ENOX1: variants seen among roughly 807,000 people sequenced by gnomAD.
ENOX1 encodes candidate growth-related and time keeping constitutive hydroquinone (NADH) oxidase.
In ENOX1, 42 loss-of-function variants were observed where a neutral mutation model predicts 82.5. The ratio of observed to expected loss-of-function variants is 0.51; its 90% CI spans 0.40 to 0.66. The LOEUF (loss-of-function observed/expected upper bound fraction) is 0.66, where lower values mean the gene tolerates loss of function less well. ENOX1 is among the 30% of genes least tolerant of loss of function. The pLI, the probability that ENOX1 is intolerant of heterozygous loss-of-function variation, is 0.00. For missense variants in ENOX1, 608 were observed against 811.6 expected (o/e 0.75, Z 3.05); for synonymous variants, 271 against 282.2 (o/e 0.96, Z 0.40).
chr13:43,416,263 C>T (rs1482494315), intron 3 of ENOX1, among the ~76,000 whole-genome samples: 4 of 89,828 alleles, frequency 4.5e-5, no homozygotes, highest in South Asian at 3.9e-4. Flanking sequence ...GAGGTGCTCC[C>T]CATCTCCCAG....
chr13:43,571,901 G>A (rs2080201039), intron 2 of ENOX1, among the ~76,000 whole-genome samples: 1 of 151,968 alleles, frequency 6.6e-6, no homozygotes, highest in African/African-American at 2.4e-5. Flanking sequence ...GGGCGGTGGG[G>A]GTGGTGCATG....
intron 2 of ENOX1, among the ~76,000 whole-genome samples, chr13:43,634,553 G>A (rs185605354): frequency 1.3e-5 from 2 of 152,208 alleles, no homozygotes; most frequent in South Asian, 4.1e-4. Context: ...TCAAAAAGCA[G>A]TACCCACAGG....
intron 14 of ENOX1, among the ~76,000 whole-genome samples, chr13:43,255,871 C>T (rs904564897): frequency 2.0e-5 from 3 of 152,066 alleles, no homozygotes; most frequent in Non-Finnish European, 4.4e-5. Context: ...TCAATGCAAT[C>T]GCTATCAAGA....
intron 1 of ENOX1, among the ~76,000 whole-genome samples, chr13:43,682,680 T>C (rs1045494307): frequency 6.6e-6 from 1 of 152,032 alleles, no homozygotes; most frequent in Non-Finnish European, 1.5e-5. Context: ...TGAAAGTTTC[T>C]AAGGAAGGGG....
chr13:43,405,752 C>T (rs548295232), intron 5 of ENOX1, among the ~76,000 whole-genome samples: 3 of 152,194 alleles, frequency 2.0e-5, no homozygotes, highest in Admixed American at 6.5e-5. Flanking sequence ...ATCACTGTCT[C>T]TTATCTGGGT....
At chr13:43,565,542 G>A (rs896853882) in intron 2 of ENOX1, among the ~76,000 whole-genome samples, 1 of 152,108 alleles carries the variant, frequency 6.6e-6, no homozygotes, top group Non-Finnish European at 1.5e-5. Flanking sequence ...AAGGACTAGG[G>A]GAGGGAAGGA....
At chr13:43,581,714 C>G (rs1189641875) in intron 2 of ENOX1, among the ~76,000 whole-genome samples, 1 of 152,158 alleles carries the variant, frequency 6.6e-6, no homozygotes, top group Admixed American at 6.5e-5. Flanking sequence ...TTGGCCTTTA[C>G]TGTGCAGAGG....
intron 2 of ENOX1, among the ~76,000 whole-genome samples, chr13:43,521,658 C>T (rs2077774440): frequency 6.6e-6 from 1 of 152,168 alleles, no homozygotes; most frequent in Middle Eastern, 3.4e-3. Context: ...AAGGTCCTTG[C>T]TTGGAGTGAA....
intron 1 of ENOX1, among the ~76,000 whole-genome samples, chr13:43,769,984 A>G (rs1442379311): frequency 1.3e-5 from 2 of 152,220 alleles, no homozygotes; most frequent in African/African-American, 4.8e-5. Flanking sequence ...TGATCCAGCA[A>G]TTTCTCTAAT....
intron 2 of ENOX1, among the ~76,000 whole-genome samples, chr13:43,648,991 G>A (rs1254329355): frequency 6.6e-6 from 1 of 152,182 alleles, no homozygotes; most frequent in African/African-American, 2.4e-5. Flanking sequence ...CAGTGCTAGA[G>A]CCTACGCAGA....
At chr13:43,396,828 C>T (rs1452426927) in intron 5 of ENOX1, among the ~76,000 whole-genome samples, 1 of 152,192 alleles carries the variant, frequency 6.6e-6, no homozygotes, top group East Asian at 1.9e-4. Context: ...TTAAGATTTT[C>T]CCTCTAAGTC....
At chr13:43,468,707 G>GT (rs1335249576) in intron 3 of ENOX1, among the ~76,000 whole-genome samples, 1 of 151,698 alleles carries the variant, frequency 6.6e-6, no homozygotes, top group Non-Finnish European at 1.5e-5. Flanking sequence ...TATTTGGGGA[G>GT]TACTGACATT....
intron 5 of ENOX1, among the ~76,000 whole-genome samples, chr13:43,367,292 G>C (rs1430732588): frequency 6.6e-6 from 1 of 152,144 alleles, no homozygotes; most frequent in East Asian, 1.9e-4. Flanking sequence ...CAAAAGATAT[G>C]TTAATTATTA....
rs575454692 is a variant in ENOX1 at position 43,731,842 on chromosome 13, T to A, written c.-285+54810A>T. ...GCAAAACATCACGATTTATAATACA[T>A]AATGATAATAAACATTTCTGCCATT... On this transcript the variant is annotated intron_variant, in intron 1 of 16. Coordinates refer to ENST00000690772, the MANE Select transcript of ENOX1 (RefSeq NM_001347969.2). Among the ~76,000 whole-genome samples the A allele has an allele frequency of 3.3e-5, 5 of 152,324 alleles. No individual in the cohort carries two copies. In the East Asian group the frequency reaches 9.6e-4, roughly 29 times the overall value.
At chr13:43,682,464 A>ATAC (rs557854773) in intron 1 of ENOX1, among the ~76,000 whole-genome samples, 1 of 152,138 alleles carries the variant, frequency 6.6e-6, no homozygotes, top group East Asian at 1.9e-4. Context: ...ACATGGATCT[A>ATAC]TACTACTACT....
chr13:43,497,834 T>C (rs899322681), intron 2 of ENOX1, among the ~76,000 whole-genome samples: 2 of 152,126 alleles, frequency 1.3e-5, no homozygotes, highest in Non-Finnish European at 2.9e-5. Context: ...AAGGAATTCA[T>C]TAGTGAAAGC....
intron 3 of ENOX1, among the ~76,000 whole-genome samples, chr13:43,438,951 A>G (rs2056196039): frequency 6.6e-6 from 1 of 151,990 alleles, no homozygotes; most frequent in South Asian, 2.1e-4. Context: ...GCTTCTTGAA[A>G]TTTTTGAAGA....
intron 3 of ENOX1, among the ~76,000 whole-genome samples, chr13:43,474,384 T>G (rs2058194304): frequency 6.6e-6 from 1 of 152,184 alleles, no homozygotes; most frequent in South Asian, 2.1e-4. Context: ...CTTGAGACTC[T>G]TTGTGCTTAA....
At chr13:43,641,596 C>T (rs186425307) in intron 2 of ENOX1, among the ~76,000 whole-genome samples, 9 of 118,396 alleles carry the variant, frequency 7.6e-5, no homozygotes, top group Admixed American at 3.8e-4. Flanking sequence ...AGTGCAGTGG[C>T]GCCATCTTGG....
Sources: allele counts gnomAD v4.1 joint callset (sites outside exome capture counted in the v4.1 genomes callset), GRCh38; gene constraint gnomAD v4.1.1; transcripts MANE v1.5; gene names NCBI Gene and HGNC (gene_info 2026-07-23, HGNC 2026-07-21).